PKN2: variants seen among roughly 807,000 people sequenced by gnomAD.
The protein encoded by PKN2 is protein kinase N2, also known as serine/threonine-protein kinase N2.
In PKN2, 38 loss-of-function variants were observed where a neutral mutation model predicts 119.1. The observed-to-expected ratio is 0.32, with a 90% confidence interval of 0.25 to 0.42. PKN2 has a LOEUF of 0.42. PKN2 is among the 10% of genes least tolerant of loss of function. The probability of loss-of-function intolerance (pLI) is 1.00; values close to 1 mark genes in which losing one functional copy is unlikely to be tolerated. For missense variants in PKN2, 850 were observed against 1,165.1 expected (o/e 0.73, Z 3.94); for synonymous variants, 390 against 384.9 (o/e 1.01, Z -0.15).
chr1:88,822,071 GTTTTTC>G, intron 17 of PKN2, 68 bp downstream of exon 17: 1 of 1,313,538 alleles, frequency 7.6e-7, no homozygotes, highest in Non-Finnish European at 1.0e-6. Context: ...ATAGTATTTT[GTTTTTC>G]TTAAACATTT....
chr1:88,754,079 T>G (rs1025237899), intron 2 of PKN2, among the ~76,000 whole-genome samples: 2 of 152,158 alleles, frequency 1.3e-5, no homozygotes, highest in Non-Finnish European at 2.9e-5. Context: ...TTTTTTCCCC[T>G]ATATGTTTAT....
chr1:88,772,684 A>G (rs1389109828), intron 6 of PKN2, among the ~76,000 whole-genome samples: 1 of 152,138 alleles, frequency 6.6e-6, no homozygotes, highest in Non-Finnish European at 1.5e-5. Flanking sequence ...ATTTGGGGGT[A>G]TATTCCTAGG....
intron 6 of PKN2, among the ~76,000 whole-genome samples, chr1:88,773,790 G>A (rs975717883): frequency 1.3e-5 from 2 of 152,046 alleles, no homozygotes; most frequent in African/African-American, 4.8e-5. Flanking sequence ...AAGAAAGAAA[G>A]AAAGAGAGAG....
Position 88,771,426 on chromosome 1 carries a change from C to T in PKN2, c.628C>T (p.Pro210Ser), listed in dbSNP as rs762700932. ...TNELAFDNAK[P>S]VISPLELRME... is the part of the protein sequence containing the mutation. ...AATTTTTTTTTCCTTTCTAGCAAAACCTGTGATAAGTCCTCTTGAACTTCG... is the reference window on the plus strand; with the variant it reads ...AATTTTTTTTTCCTTTCTAGCAAAATCTGTGATAAGTCCTCTTGAACTTCG... Residue 210 changes from proline to serine, a missense_variant, in exon 5 of 22, where the codon CCT becomes TCT. Physicochemically the swap from Pro to Ser is moderately conservative, Grantham distance 74. Coordinates refer to ENST00000370521, the MANE Select transcript of PKN2 (RefSeq NM_006256.4). The T allele has an allele frequency of 6.3e-7, 1 of 1,583,736 alleles. No homozygotes were observed. Among genetic ancestry groups the T allele is most frequent in the Non-Finnish European group, 8.5e-7 (1 of 1,170,488 alleles).
intron 8 of PKN2, among the ~76,000 whole-genome samples, chr1:88,791,947 C>G (rs747719548): frequency 1.3e-5 from 2 of 152,118 alleles, no homozygotes; most frequent in African/African-American, 2.4e-5. Flanking sequence ...TATAGCAGAA[C>G]AAGAGTAGGA....
At position 88,740,054 on chromosome 1, in the gene PKN2, A is replaced by G. The variant is rs1373708666; in HGVS notation, c.49-934A>G. Among the ~76,000 whole-genome samples the G allele has an allele frequency of 3.3e-5, 5 of 152,188 alleles. No homozygotes were observed. The East Asian group carries it at 9.6e-4, about 29-fold the overall frequency. On this transcript the variant is annotated intron_variant, in intron 1 of 21. Transcript: ENST00000370521. ...ATACAAATAATACAGCATAGCAACTATTTACATACCACTTGTATTGTGTAT... is the reference window on the plus strand; with the variant it reads ...ATACAAATAATACAGCATAGCAACTGTTTACATACCACTTGTATTGTGTAT...
chr1:88,737,859 T>C (rs1461727382), intron 1 of PKN2, among the ~76,000 whole-genome samples: 3 of 152,172 alleles, frequency 2.0e-5, no homozygotes, highest in African/African-American at 7.2e-5. Flanking sequence ...GGAGAGGTGA[T>C]TCAGGCATTG....
chr1:88,813,771 G>A (rs189432704), intron 16 of PKN2, 38 bp downstream of exon 16: 4 of 1,459,150 alleles, frequency 2.7e-6, no homozygotes, highest in East Asian at 5.1e-5. Context: ...GTTTTTCCAT[G>A]ACTGATTTCA....
intron 1 of PKN2, among the ~76,000 whole-genome samples, chr1:88,720,972 G>A (rs138703055): frequency 9.9e-5 from 15 of 152,208 alleles, no homozygotes; most frequent in African/African-American, 3.6e-4. Flanking sequence ...TCCTTTTTAT[G>A]GCTTAGTATC....
At chr1:88,820,150 TAAATA>T (rs1672186661) in intron 16 of PKN2, among the ~76,000 whole-genome samples, 1 of 124,434 alleles carries the variant, frequency 8.0e-6, no homozygotes, top group South Asian at 2.4e-4. Flanking sequence ...AATTTAAAAG[TAAATA>T]AATCAAACAA....
chr1:88,795,465 T>A (rs1026497538), intron 8 of PKN2, among the ~76,000 whole-genome samples: 3 of 152,208 alleles, frequency 2.0e-5, no homozygotes, highest in Non-Finnish European at 4.4e-5. Context: ...TCTTGAAAAA[T>A]AAGTTGTGTT....
intron 15 of PKN2, among the ~76,000 whole-genome samples, chr1:88,808,070 C>T (rs1278388978): frequency 6.6e-6 from 1 of 151,826 alleles, no homozygotes; most frequent in Admixed American, 6.6e-5. Flanking sequence ...GGAATAGAAA[C>T]TGTTATTCAT....
intron 1 of PKN2, among the ~76,000 whole-genome samples, chr1:88,697,820 C>A (rs1396044927): frequency 6.6e-6 from 1 of 152,112 alleles, no homozygotes; most frequent in Non-Finnish European, 1.5e-5. Context: ...TACTTCAAGG[C>A]CAAATTCAAA....
intron 6 of PKN2, chr1:88,780,969 C>A: frequency 2.2e-6 from 1 of 456,552 alleles, no homozygotes; most frequent in Non-Finnish European, 2.9e-6. Flanking sequence ...TTCCTCATTC[C>A]ATTACTGAAC....
intron 1 of PKN2, among the ~76,000 whole-genome samples, chr1:88,685,877 G>C (rs1330275816): frequency 6.6e-6 from 1 of 152,100 alleles, no homozygotes; most frequent in Non-Finnish European, 1.5e-5. Context: ...CTCTTTATAA[G>C]TTTGGTTTCT....
At position 88,836,170 on chromosome 1, in the gene PKN2, G is replaced by A. The variant is rs1672938058; in HGVS notation, c.*2722G>A. 1 of 152,066 alleles carries A rather than the reference G, an allele frequency of 6.6e-6. No homozygotes were observed. The highest frequency in any genetic ancestry group is 1.5e-5 in the Non-Finnish European group (1 of 67,988). The allele number at this position is 152,066 out of a possible 1,614,324, so 9.4% of individuals were successfully genotyped here. A position where few individuals can be genotyped will look rare whatever the true frequency, so the allele number is the denominator to read the frequency against. ...TAAGATGCAAGCACCAGTATTGTAT[G>A]TACTTTTCTCTTGTTTGAGGTTAGC... On this transcript the variant is annotated 3_prime_UTR_variant, in exon 22 of 22. Coordinates refer to ENST00000370521, the MANE Select transcript of PKN2 (RefSeq NM_006256.4).
rs1252737154 is a variant in PKN2 at position 88,807,455 on chromosome 1, A to G, written c.1934+12A>G. On this transcript the variant is annotated intron_variant, in intron 13 of 21. Transcript: ENST00000370521. ...CTTGAGGACAGAAGGTAAAGAATAT[A>G]TACCAAATTTTGCGACTACATGTTT... 1.2e-5 allele frequency: 19 copies of G among 1,607,370 alleles called. No individual in the cohort carries two copies. Among genetic ancestry groups the G allele is most frequent in the Non-Finnish European group, 1.6e-5 (19 of 1,177,696 alleles).
In PKN2 at chr1:88,746,080, C is replaced by T. The variant is rs140977632; in HGVS notation, c.349+4792C>T. Among the ~76,000 whole-genome samples, 672 of 152,176 alleles carry T rather than the reference C, an allele frequency of 4.4e-3. 4 individuals carry two copies. The highest frequency in any genetic ancestry group is 0.016 in the African/African-American group (652 of 41,538). Reference sequence around the variant, plus strand: ...ACCCTTATACGTAATACCTTTATACCTTATACCTTTAAACCTTATACCTTT... The same window carrying T: ...ACCCTTATACGTAATACCTTTATACTTTATACCTTTAAACCTTATACCTTT... On this transcript the variant is annotated intron_variant, in intron 2 of 21. Coordinates refer to ENST00000370521, the MANE Select transcript of PKN2 (RefSeq NM_006256.4).
chr1:88,749,617 G>T lies in PKN2; in HGVS notation c.349+8329G>T, dbSNP rs372589208. Among the ~76,000 whole-genome samples, 34 of 152,184 alleles carry T rather than the reference G, an allele frequency of 2.2e-4. 4 individuals carry two copies. The highest frequency in any genetic ancestry group is 1.8e-3 in the Admixed American group (28 of 15,282). On this transcript the variant is annotated intron_variant, in intron 2 of 21. Transcript: ENST00000370521. ...TCAGCATTCATTACAACCTGAGTAG[G>T]TTCCAGAGGGCTGTAAAAGGTAAAG...
Sources: allele counts gnomAD v4.1 joint callset (sites outside exome capture counted in the v4.1 genomes callset), GRCh38; gene constraint gnomAD v4.1.1; transcripts MANE v1.5; gene names NCBI Gene and HGNC (gene_info 2026-07-23, HGNC 2026-07-21).